Variants in SAMD5 observed in about 807,000 individuals in gnomAD.
SAMD5 encodes the protein sterile alpha motif domain containing 5.
In SAMD5, 13 loss-of-function variants were observed where a neutral mutation model predicts 11.3. The observed-to-expected ratio is 1.15, with a 90% CI of 0.75 to 1.83. SAMD5 has a LOEUF of 1.83. Among genes scored for constraint, SAMD5 ranks in the 40% most tolerant of loss-of-function variants. The pLI is 0.00. For missense variants in SAMD5, 255 were observed against 239.1 expected (o/e 1.07, Z -0.44); for synonymous variants, 129 against 111.3 (o/e 1.16, Z -1.00).
chr6:147,858,392 G>T, the SAMD5 span, among the ~76,000 whole-genome samples: 1 of 152,064 alleles, frequency 6.6e-6, no homozygotes, highest in Non-Finnish European at 1.5e-5. Context: ...GGTAAGAATT[G>T]TTTAATTTGG....
the SAMD5 span, among the ~76,000 whole-genome samples, chr6:147,766,618 C>T: frequency 6.6e-6 from 1 of 152,158 alleles, no homozygotes; most frequent in Non-Finnish European, 1.5e-5. Flanking sequence ...TGTGGATGTA[C>T]TTCCAAAATA....
chr6:147,548,839 T>G (rs1386132846), intron 1 of SAMD5, among the ~76,000 whole-genome samples: 3 of 152,102 alleles, frequency 2.0e-5, no homozygotes, highest in Non-Finnish European at 2.9e-5. Context: ...TATGACAGAT[T>G]GTATTTCTCC....
chr6:147,569,228 A>C lies in SAMD5; in HGVS notation c.*4772A>C, dbSNP rs922299719. ...AGAGTGAGACTCTGTCTAAAAAAAA[A>C]AAAAAAAGAAAAGAAAAAAGAAAAA... is the stretch of plus-strand genomic sequence containing the variant. On this transcript the variant is annotated 3_prime_UTR_variant, in exon 2 of 2. Transcript: ENST00000367474. 1.5e-5 allele frequency: 5 copies of C among 343,572 alleles called. No homozygotes were observed. Among genetic ancestry groups the C allele is most frequent in the African/African-American group, 2.4e-5 (1 of 42,336 alleles). The allele number at this position is 343,572 out of a possible 1,614,324, so 21.3% of individuals were successfully genotyped here.
chr6:147,872,658 A>G, the SAMD5 span, among the ~76,000 whole-genome samples: 36 of 152,296 alleles, frequency 2.4e-4, no homozygotes, highest in African/African-American at 8.2e-4. Context: ...ATGAGTATTC[A>G]TGGGGACTGA....
the SAMD5 span, among the ~76,000 whole-genome samples, chr6:147,816,456 A>G: frequency 1.3e-5 from 2 of 150,784 alleles, no homozygotes; most frequent in Non-Finnish European, 3.0e-5. Context: ...TTAATATTAA[A>G]CATGTACAGA....
chr6:147,676,011 T>C (rs2128455914), intron 1 of SAMD5: 1 of 152,346 alleles, frequency 6.6e-6, no homozygotes, highest in African/African-American at 2.4e-5. Flanking sequence ...TATTTTACAC[T>C]GCATGGTGAA....
the SAMD5 span, among the ~76,000 whole-genome samples, chr6:147,810,657 C>T: frequency 6.6e-6 from 1 of 152,214 alleles, no homozygotes; most frequent in Non-Finnish European, 1.5e-5. Context: ...CAGCCATCAA[C>T]ATGGCAGGTC....
intron 1 of SAMD5, among the ~76,000 whole-genome samples, chr6:147,629,641 C>G (rs1276946508): frequency 1.3e-5 from 2 of 152,248 alleles, no homozygotes; most frequent in African/African-American, 4.8e-5. Flanking sequence ...CAGAAGTAAC[C>G]TAACTATTGT....
chr6:147,519,749 A>C (rs187220109), intron 1 of SAMD5, among the ~76,000 whole-genome samples: 18 of 152,336 alleles, frequency 1.2e-4, no homozygotes, highest in Non-Finnish European at 1.9e-4. Context: ...TTCCATGTAG[A>C]ATACAATGCT....
chr6:147,872,237 G>A, the SAMD5 span, among the ~76,000 whole-genome samples: 7 of 151,914 alleles, frequency 4.6e-5, no homozygotes, highest in African/African-American at 1.7e-4. Flanking sequence ...TCCCAAGCAG[G>A]TAGGATTACA....
intron 1 of SAMD5, among the ~76,000 whole-genome samples, chr6:147,732,160 C>G (rs773581177): frequency 9.9e-5 from 15 of 152,172 alleles, no homozygotes; most frequent in Admixed American, 1.3e-4. Context: ...CATCAGCCAG[C>G]CAGCATCCCT....
the SAMD5 span, among the ~76,000 whole-genome samples, chr6:147,943,140 G>T: frequency 2.0e-5 from 3 of 152,118 alleles, no homozygotes; most frequent in Non-Finnish European, 4.4e-5. Flanking sequence ...GCTTCATCTT[G>T]CCTGAGAGTA....
chr6:147,854,752 C>A, the SAMD5 span, among the ~76,000 whole-genome samples: 1 of 152,048 alleles, frequency 6.6e-6, no homozygotes, highest in African/African-American at 2.4e-5. Flanking sequence ...ACTAAAGAAG[C>A]AGAAAAGAAT....
chr6:147,780,049 A>C, the SAMD5 span, among the ~76,000 whole-genome samples: 3 of 152,214 alleles, frequency 2.0e-5, no homozygotes, highest in South Asian at 6.2e-4. Flanking sequence ...AGGTCAAATT[A>C]AATAAGCTTT....
At chr6:147,646,026 GTATC>G (rs200304460) in intron 1 of SAMD5, among the ~76,000 whole-genome samples, 12,869 of 52,034 alleles carry the variant, frequency 0.25, 741 homozygotes, top group Admixed American at 0.27. Flanking sequence ...ATCTATCTAT[GTATC>G]TATCTATCTA....
At chr6:147,582,328 C>A (rs1457632925) in intron 1 of SAMD5, among the ~76,000 whole-genome samples, 3 of 95,632 alleles carry the variant, frequency 3.1e-5, no homozygotes, top group South Asian at 4.5e-4. Context: ...GATCCGCACC[C>A]CCCCACCAAA....
At chr6:147,923,355 A>T in the SAMD5 span, among the ~76,000 whole-genome samples, 2 of 152,216 alleles carry the variant, frequency 1.3e-5, no homozygotes, top group African/African-American at 4.8e-5. Flanking sequence ...TATATGCCAC[A>T]TCATTGCCAA....
chr6:147,514,024 T>C (rs942283180), intron 1 of SAMD5, among the ~76,000 whole-genome samples: 1 of 152,140 alleles, frequency 6.6e-6, no homozygotes, highest in African/African-American at 2.4e-5. Context: ...GGAGACTTTG[T>C]TGTCAAGGGA....
chr6:147,802,128 T>C, the SAMD5 span, among the ~76,000 whole-genome samples: 2 of 152,138 alleles, frequency 1.3e-5, no homozygotes, highest in Non-Finnish European at 2.9e-5. Flanking sequence ...AGTTACACAC[T>C]GGGAGAAAAG....
Sources: gnomAD v4.1 joint callset for allele counts (sites outside exome capture counted in the v4.1 genomes callset) on GRCh38, gnomAD v4.1.1 for gene constraint, MANE v1.5 for transcripts, NCBI Gene and HGNC (gene_info 2026-07-23, HGNC 2026-07-21) for gene names.